Variants in MEIKIN observed in about 807,000 individuals in gnomAD.
MEIKIN encodes the protein meiosis-specific kinetochore protein.
chr5:131,858,094 C>A (rs769171012), intron 9 of MEIKIN, among the ~76,000 whole-genome samples: 17 of 152,224 alleles, frequency 1.1e-4, no homozygotes, highest in Non-Finnish European at 2.1e-4. Context: ...CGGGCCCCTC[C>A]AGTGCAGCGA....
At chr5:131,930,376 T>C (rs1317467293) in intron 5 of MEIKIN, among the ~76,000 whole-genome samples, 1 of 152,214 alleles carries the variant, frequency 6.6e-6, no homozygotes, top group Non-Finnish European at 1.5e-5. Context: ...TCTTATAGAT[T>C]CTGGATATTA....
At chr5:131,814,797 G>A (rs779696795) in intron 12 of MEIKIN, among the ~76,000 whole-genome samples, 4 of 152,104 alleles carry the variant, frequency 2.6e-5, no homozygotes, top group Non-Finnish European at 5.9e-5. Flanking sequence ...CTTTGTTCAT[G>A]GCTCATGAAC....
intron 11 of MEIKIN, among the ~76,000 whole-genome samples, chr5:131,819,765 ATTTTTTTTTTTT>A (rs1167213249): frequency 7.7e-5 from 5 of 64,574 alleles, no homozygotes; most frequent in East Asian, 4.6e-4. Flanking sequence ...ACATCCAGCT[ATTTTTTTTTTTT>A]TTTTTTTTTT....
At chr5:131,855,660 G>C (rs150809003) in intron 9 of MEIKIN, among the ~76,000 whole-genome samples, 16 of 152,066 alleles carry the variant, frequency 1.1e-4, no homozygotes, top group Non-Finnish European at 2.1e-4. Context: ...AAGACCAAGA[G>C]AAGGAGAGAG....
intron 12 of MEIKIN, among the ~76,000 whole-genome samples, chr5:131,810,383 C>A (rs1011893528): frequency 1.3e-5 from 2 of 152,080 alleles, no homozygotes; most frequent in African/African-American, 4.8e-5. Context: ...GTCTGATTAG[C>A]CAAAAGGTAT....
chr5:131,813,086 C>T (rs1417071225), intron 12 of MEIKIN, among the ~76,000 whole-genome samples: 1 of 152,034 alleles, frequency 6.6e-6, no homozygotes, highest in Non-Finnish European at 1.5e-5. Context: ...TTGAGCAGGC[C>T]CTGAAGTCAT....
chr5:131,851,967 C>A (rs752211536), intron 10 of MEIKIN, among the ~76,000 whole-genome samples: 1 of 152,180 alleles, frequency 6.6e-6, no homozygotes, highest in South Asian at 2.1e-4. Context: ...GTTAAGACAA[C>A]TGAAAACATG....
chr5:131,890,907 G>A (rs1420477443), intron 8 of MEIKIN, among the ~76,000 whole-genome samples: 5 of 152,128 alleles, frequency 3.3e-5, no homozygotes, highest in African/African-American at 1.2e-4. Flanking sequence ...AGAGAGTCTG[G>A]TATTTTGTGT....
chr5:131,920,197 T>A (rs1463493854), intron 6 of MEIKIN, among the ~76,000 whole-genome samples: 2 of 152,162 alleles, frequency 1.3e-5, no homozygotes, highest in East Asian at 3.8e-4. Context: ...AATGAACGAA[T>A]GATGAAAATA....
chr5:131,862,277 G>T (rs1428157631), intron 9 of MEIKIN, among the ~76,000 whole-genome samples: 1 of 152,042 alleles, frequency 6.6e-6, no homozygotes, highest in Admixed American at 6.6e-5. Context: ...TAATTCTGTG[G>T]TATCAGTAGT....
chr5:131,896,851 T>C (rs1344820072), intron 8 of MEIKIN, among the ~76,000 whole-genome samples: 3 of 152,248 alleles, frequency 2.0e-5, no homozygotes, highest in Non-Finnish European at 4.4e-5. Context: ...CCAATCTGTG[T>C]CTTTTAATTG....
chr5:131,903,586 C>T (rs944077797), intron 8 of MEIKIN, among the ~76,000 whole-genome samples: 3 of 151,736 alleles, frequency 2.0e-5, no homozygotes, highest in Non-Finnish European at 4.4e-5. Flanking sequence ...AGATCCTTTT[C>T]AGACAAATTT....
At chr5:131,859,466 TAG>T (rs1327356893) in intron 9 of MEIKIN, among the ~76,000 whole-genome samples, 4 of 152,176 alleles carry the variant, frequency 2.6e-5, no homozygotes, top group Non-Finnish European at 4.4e-5. Context: ...GTTCTCTTGA[TAG>T]AGTGAGTTCT....
chr5:131,911,381 T>C (rs1193158830), intron 8 of MEIKIN, among the ~76,000 whole-genome samples: 3 of 152,068 alleles, frequency 2.0e-5, no homozygotes, highest in African/African-American at 7.2e-5. Context: ...AGGATGTAAA[T>C]GTCTTGCTAA....
chr5:131,820,830 C>A (rs1476074566), intron 11 of MEIKIN, among the ~76,000 whole-genome samples: 1 of 152,086 alleles, frequency 6.6e-6, no homozygotes, highest in Non-Finnish European at 1.5e-5. Flanking sequence ...ACTAATGATC[C>A]TTTGAATTTC....
chr5:131,855,764 G>A (rs942875091), intron 9 of MEIKIN, among the ~76,000 whole-genome samples: 1 of 152,130 alleles, frequency 6.6e-6, no homozygotes, highest in African/African-American at 2.4e-5. Flanking sequence ...GAGAGATCAA[G>A]ACAGAGACCA....
At chr5:131,810,453 C>T (rs1394475322) in intron 12 of MEIKIN, among the ~76,000 whole-genome samples, 1 of 152,198 alleles carries the variant, frequency 6.6e-6, no homozygotes, top group East Asian at 1.9e-4. Context: ...CCTACAGTGT[C>T]TTGTTCTAGT....
chr5:131,863,615 A>G (rs1750329157), intron 9 of MEIKIN, among the ~76,000 whole-genome samples: 2 of 120,762 alleles, frequency 1.7e-5, no homozygotes, highest in Admixed American at 9.0e-5. Context: ...GTTTTATCTA[A>G]GTATAACTAC....
At chr5:131,943,950 T>C (rs947800095) in intron 3 of MEIKIN, among the ~76,000 whole-genome samples, 2 of 151,910 alleles carry the variant, frequency 1.3e-5, no homozygotes, top group African/African-American at 2.4e-5. Context: ...AAACCCCCTC[T>C]ATACAAAAAT....
Sources: gnomAD v4.1 joint callset for allele counts (sites outside exome capture counted in the v4.1 genomes callset) on GRCh38, gnomAD v4.1.1 for gene constraint, MANE v1.5 for transcripts, NCBI Gene and HGNC (gene_info 2026-07-23, HGNC 2026-07-21) for gene names.